The following UTY variants were observed in gnomAD, a reference collection of about 807,000 sequenced individuals.
UTY encodes histone demethylase UTY.
A neutral mutation model predicts 32.5 loss-of-function variants in UTY; 12 were observed. The ratio of observed to expected loss-of-function variants is 0.37; its 90% CI spans 0.24 to 0.60. UTY has a LOEUF of 0.60. Ranked by LOEUF, UTY falls within the 20% of genes least tolerant of loss-of-function variation. The pLI, the probability that UTY is intolerant of heterozygous loss-of-function variation, is 0.69. For missense variants in UTY, 303 were observed against 299.2 expected (o/e 1.01, Z -0.09); for synonymous variants, 131 against 103.4 (o/e 1.27, Z -1.62).
intron 21 of UTY, among the ~76,000 whole-genome samples, chrY:13,311,563 C>A (rs2148837769): frequency 3.8e-5 from 1 of 26,567 alleles, no homozygotes; most frequent in African/African-American, 1.6e-4. Flanking sequence ...CCACTGCACT[C>A]CAGCCTGGGC....
chrY:13,241,506 G>A (rs2148321863), intron 28 of UTY, among the ~76,000 whole-genome samples: 1 of 32,883 alleles, frequency 3.0e-5, no homozygotes, highest in South Asian at 6.8e-4. Flanking sequence ...AGAAATAAAG[G>A]TGACAGCAAA....
intron 27 of UTY, chrY:13,286,869 T>G: frequency 5.4e-6 from 2 of 373,015 alleles, no homozygotes; most frequent in South Asian, 6.0e-5. Context: ...AAACATTGGT[T>G]GTGTTATGAC....
At chrY:13,338,698 T>TGAA (rs2061296418) in intron 17 of UTY, among the ~76,000 whole-genome samples, 1 of 32,633 alleles carries the variant, frequency 3.1e-5, no homozygotes, top group East Asian at 8.0e-4. Context: ...GAACATTGAG[T>TGAA]GAAGAAGGAA....
chrY:13,339,868 A>C, intron 17 of UTY, among the ~76,000 whole-genome samples: 1 of 33,168 alleles, frequency 3.0e-5, no homozygotes, highest in Admixed American at 2.7e-4. Flanking sequence ...ACCTCCCATA[A>C]TAGGATCTGG....
intron 3 of UTY, 53 bp from the exon 4 acceptor site, chrY:13,449,119 C>T: frequency 4.1e-6 from 1 of 245,991 alleles, no homozygotes; most frequent in Non-Finnish European, 6.1e-6. Context: ...TAAAAATCCA[C>T]TGTAAGACAT....
At chrY:13,366,439 C>T in intron 9 of UTY, 46 bp from the exon 10 acceptor site, 2 of 298,323 alleles carry the variant, frequency 6.7e-6, no homozygotes, top group Non-Finnish European at 9.0e-6. Context: ...TCTACTTCTT[C>T]AGTTTCAAGA....
At position 13,479,903 on chromosome Y, in the gene UTY, A is replaced by G; in HGVS notation, c.-238T>C. Reference sequence around the variant, plus strand: ...AGAAGCTCGCAGTGCTGGAGAGCACAGCAGAATTTCTTAAAATCACAAACT... The same window carrying G: ...AGAAGCTCGCAGTGCTGGAGAGCACGGCAGAATTTCTTAAAATCACAAACT... On this transcript the variant is annotated 5_prime_UTR_variant, in exon 1 of 30. Transcript: ENST00000545955. The G allele has an allele frequency of 7.4e-6, 1 of 134,287 alleles. No individual in the cohort carries two copies. The highest frequency in any genetic ancestry group is 1.4e-5 in the Non-Finnish European group (1 of 70,929). 33.5% of individuals were successfully genotyped at this position (134,287 alleles called of 400,897 possible).
At chrY:13,429,537 T>C (rs779489774) in intron 4 of UTY, among the ~76,000 whole-genome samples, 2 of 32,920 alleles carry the variant, frequency 6.1e-5, no homozygotes, top group South Asian at 1.4e-3. Flanking sequence ...CCATTTATAA[T>C]TGTTAGATAT....
At chrY:13,343,891 T>C (rs2061689885) in intron 17 of UTY, among the ~76,000 whole-genome samples, 1 of 33,371 alleles carries the variant, frequency 3.0e-5, no homozygotes, top group African/African-American at 1.2e-4. Flanking sequence ...GGAAAGAGGA[T>C]TATTAACTAC....
At chrY:13,380,934 A>T in intron 8 of UTY, among the ~76,000 whole-genome samples, 1 of 33,547 alleles carries the variant, frequency 3.0e-5, no homozygotes, top group Non-Finnish European at 7.4e-5. Flanking sequence ...TTTGTAAAGA[A>T]TGCTAAAACA....
chrY:13,442,950 G>A (rs1014460511), intron 4 of UTY, among the ~76,000 whole-genome samples: 1 of 32,899 alleles, frequency 3.0e-5, no homozygotes, highest in Non-Finnish European at 7.5e-5. Context: ...GAAAAGTGAC[G>A]CTAAGAGCAG....
At chrY:13,452,366 A>G (rs2076396882) in intron 3 of UTY, among the ~76,000 whole-genome samples, 1 of 33,129 alleles carries the variant, frequency 3.0e-5, no homozygotes, top group Non-Finnish European at 7.4e-5. Flanking sequence ...TCTGTCTGAC[A>G]GCGTTAACAT....
intron 6 of UTY, among the ~76,000 whole-genome samples, chrY:13,407,172 A>G: frequency 3.1e-5 from 1 of 32,541 alleles, no homozygotes; most frequent in Non-Finnish European, 7.7e-5. Context: ...TCAAGTAATG[A>G]TAATCCACTG....
chrY:13,274,496 TA>T (rs2056540624), intron 27 of UTY, among the ~76,000 whole-genome samples: 3 of 32,227 alleles, frequency 9.3e-5, no homozygotes, highest in African/African-American at 3.7e-4. Flanking sequence ...AGTATAATAA[TA>T]AAAAAATAAA....
At chrY:13,291,012 G>T (rs2057737220) in intron 27 of UTY, among the ~76,000 whole-genome samples, 1 of 31,782 alleles carries the variant, frequency 3.1e-5, no homozygotes, top group Non-Finnish European at 7.6e-5. Flanking sequence ...CTCCTGAGTA[G>T]CTGGGATTAC....
intron 4 of UTY, among the ~76,000 whole-genome samples, chrY:13,445,153 C>CA (rs761508342): frequency 5.8e-3 from 24 of 4,132 alleles, no homozygotes; most frequent in Non-Finnish European, 0.01. Flanking sequence ...GACTCTGCCT[C>CA]AAAAAAAAAA....
intron 6 of UTY, among the ~76,000 whole-genome samples, chrY:13,402,010 G>A: frequency 5.9e-5 from 2 of 33,699 alleles, no homozygotes; most frequent in Non-Finnish European, 1.5e-4. Context: ...AGATCTGCCA[G>A]GAGCAGTAAA....
At chrY:13,371,828 GAGA>G (rs2064954873) in intron 8 of UTY, among the ~76,000 whole-genome samples, 1 of 33,134 alleles carries the variant, frequency 3.0e-5, no homozygotes, top group Admixed American at 2.8e-4. Context: ...GTATGGGGAT[GAGA>G]AGGATTACTG....
intron 7 of UTY, among the ~76,000 whole-genome samples, chrY:13,395,592 T>G: frequency 3.1e-5 from 1 of 31,753 alleles, no homozygotes; most frequent in Non-Finnish European, 7.7e-5. Context: ...TGAGCCATGG[T>G]TGCACCAAAT....
Sources: gnomAD v4.1 joint callset for allele counts (sites outside exome capture counted in the v4.1 genomes callset) on GRCh38, gnomAD v4.1.1 for gene constraint, MANE v1.5 for transcripts, NCBI Gene and HGNC (gene_info 2026-07-23, HGNC 2026-07-21) for gene names.